The following DOCK3 variants were observed in gnomAD, a reference collection of about 807,000 sequenced individuals.
DOCK3 encodes the protein dedicator of cytokinesis 3, also known as dedicator of cytokinesis protein 3.
Under a neutral mutation model 265.6 loss-of-function variants are expected in DOCK3, and 60 were observed. The observed-to-expected ratio is 0.23, with a 90% CI of 0.18 to 0.28. The LOEUF is 0.28. DOCK3 is among the 10% of genes least tolerant of loss of function. The pLI is 1.00. For missense variants in DOCK3, 1,981 were observed against 2,594.3 expected (o/e 0.76, Z 5.14); for synonymous variants, 881 against 938.0 (o/e 0.94, Z 1.11).
At chr3:50,696,830 A>G (rs2035653805) in intron 1 of DOCK3, among the ~76,000 whole-genome samples, 1 of 151,884 alleles carries the variant, frequency 6.6e-6, no homozygotes, top group Non-Finnish European at 1.5e-5. Context: ...AAGAATCTCT[A>G]CTTTAAACAT....
intron 5 of DOCK3, among the ~76,000 whole-genome samples, chr3:51,030,164 C>T (rs1240569811): frequency 6.6e-6 from 1 of 152,158 alleles, no homozygotes; most frequent in African/African-American, 2.4e-5. Context: ...TCCAACAAGT[C>T]CTGGCTCTCC....
intron 8 of DOCK3, 113 bp from the exon 9 acceptor site, chr3:51,090,117 A>G: frequency 8.3e-7 from 1 of 1,198,746 alleles, no homozygotes; most frequent in South Asian, 1.7e-5. Context: ...CAGTTTCTCA[A>G]ATAATCTCCT....
In DOCK3 at chr3:51,280,090, T is replaced by A. The variant is rs1560342439; in HGVS notation, c.2824-16T>A. On this transcript the variant is annotated splice_polypyrimidine_tract_variant and intron_variant, in intron 26 of 52. Coordinates refer to ENST00000266037, the MANE Select transcript of DOCK3 (RefSeq NM_004947.5). Reference sequence around the variant, plus strand: ...GCAATTGGCCATGCTAAGTGTTTTTTTGGGTTGGTCCCTAGGGCGAGTATG... The same window carrying A: ...GCAATTGGCCATGCTAAGTGTTTTTATGGGTTGGTCCCTAGGGCGAGTATG... The A allele has an allele frequency of 2.5e-6, 4 of 1,611,818 alleles. No individual in the cohort carries two copies. The highest frequency in any genetic ancestry group is 3.4e-6 in the Non-Finnish European group (4 of 1,178,826).
At chr3:50,697,587 G>A (rs1038272480) in intron 1 of DOCK3, among the ~76,000 whole-genome samples, 19 of 152,214 alleles carry the variant, frequency 1.2e-4, no homozygotes, top group Non-Finnish European at 1.5e-4. Flanking sequence ...GCAAAACTCC[G>A]TCTCAAAAAC....
chr3:51,090,781 G>A (rs894301916), intron 9 of DOCK3, among the ~76,000 whole-genome samples: 1 of 152,152 alleles, frequency 6.6e-6, no homozygotes, highest in African/African-American at 2.4e-5. Context: ...GAGAGGGTTT[G>A]AAGAAAAAGG....
At chr3:50,934,272 T>C (rs2051234305) in intron 5 of DOCK3, among the ~76,000 whole-genome samples, 195 bp downstream of exon 5, 1 of 152,240 alleles carries the variant, frequency 6.6e-6, no homozygotes, top group African/African-American at 2.4e-5. Flanking sequence ...CATATGCCTG[T>C]AGTTTCTCTC....
chr3:51,153,136 A>G (rs2085689317), intron 10 of DOCK3, among the ~76,000 whole-genome samples: 1 of 152,206 alleles, frequency 6.6e-6, no homozygotes, highest in African/African-American at 2.4e-5. Flanking sequence ...CAGGCCTTGC[A>G]GAGCTGTGGT....
chr3:51,091,551 C>T (rs1003954685), intron 9 of DOCK3, among the ~76,000 whole-genome samples: 21 of 152,000 alleles, frequency 1.4e-4, no homozygotes, highest in African/African-American at 4.8e-4. Flanking sequence ...GGCGTGGTGG[C>T]GGGCTCCTGT....
intron 4 of DOCK3, among the ~76,000 whole-genome samples, chr3:50,891,647 T>C (rs1010460920): frequency 5.0e-5 from 7 of 139,160 alleles, no homozygotes; most frequent in Non-Finnish European, 7.6e-5. Context: ...GAATGGCTTA[T>C]TATAAATTCA....
chr3:50,977,670 C>T (rs2077509330), intron 5 of DOCK3, among the ~76,000 whole-genome samples: 1 of 152,062 alleles, frequency 6.6e-6, no homozygotes, highest in Non-Finnish European at 1.5e-5. Flanking sequence ...CTCTGTATTT[C>T]CTGAATCTGA....
intron 5 of DOCK3, among the ~76,000 whole-genome samples, chr3:51,043,361 G>C (rs2080618640): frequency 6.6e-6 from 1 of 152,168 alleles, no homozygotes; most frequent in Admixed American, 6.5e-5. Context: ...AATAAATGGT[G>C]CTGGGATAAC....
intron 3 of DOCK3, among the ~76,000 whole-genome samples, chr3:50,879,482 A>C (rs1010682922): frequency 3.3e-5 from 5 of 152,182 alleles, no homozygotes; most frequent in Non-Finnish European, 4.4e-5. Context: ...TTGCAATCCT[A>C]GTCTCTGATA....
At chr3:51,173,279 C>A (rs1385047825) in intron 12 of DOCK3, among the ~76,000 whole-genome samples, 1 of 152,164 alleles carries the variant, frequency 6.6e-6, no homozygotes, top group Non-Finnish European at 1.5e-5. Flanking sequence ...TACCACCACA[C>A]CCAACTAATT....
chr3:50,874,067 T>C (rs1454317439), intron 3 of DOCK3, among the ~76,000 whole-genome samples: 4 of 107,652 alleles, frequency 3.7e-5, no homozygotes, highest in Non-Finnish European at 6.6e-5. Flanking sequence ...TTTTCTTTTG[T>C]TTTTTTTTTT....
At chr3:51,063,537 T>C (rs2081493919) in intron 5 of DOCK3, among the ~76,000 whole-genome samples, 1 of 152,222 alleles carries the variant, frequency 6.6e-6, no homozygotes, top group Non-Finnish European at 1.5e-5. Flanking sequence ...ACATCTTTTT[T>C]AGGGTAAATC....
chr3:51,278,284 A>G (rs1001338189), intron 26 of DOCK3: 1 of 985,418 alleles, frequency 1.0e-6, no homozygotes, highest in African/African-American at 1.7e-5. Flanking sequence ...CTGTGATCTA[A>G]TTAGAAGAGA....
chr3:50,953,179 T>G (rs533963260), intron 5 of DOCK3, among the ~76,000 whole-genome samples: 6 of 152,226 alleles, frequency 3.9e-5, no homozygotes, highest in African/African-American at 1.4e-4. Flanking sequence ...TCAAGCAGAC[T>G]ATAGGGAAAA....
intron 10 of DOCK3, among the ~76,000 whole-genome samples, chr3:51,153,378 C>T (rs573734475): frequency 8.4e-4 from 128 of 152,254 alleles, no homozygotes; most frequent in Admixed American, 2.2e-3. Context: ...AGTATTTGGG[C>T]GAGAGTGTCC....
intron 5 of DOCK3, among the ~76,000 whole-genome samples, chr3:50,967,053 A>G (rs1204682524): frequency 6.6e-6 from 1 of 152,180 alleles, no homozygotes; most frequent in African/African-American, 2.4e-5. Flanking sequence ...AATTTTTCAT[A>G]TCTTCTAGCT....
Sources: gnomAD v4.1 joint callset for allele counts (sites outside exome capture counted in the v4.1 genomes callset) on GRCh38, gnomAD v4.1.1 for gene constraint, MANE v1.5 for transcripts, NCBI Gene and HGNC (gene_info 2026-07-23, HGNC 2026-07-21) for gene names.